The following SGCZ variants were observed in gnomAD, a reference collection of about 807,000 sequenced individuals.
SGCZ encodes zeta-sarcoglycan.
Under a neutral mutation model 41.3 loss-of-function variants are expected in SGCZ, and 40 were observed. That is an observed-to-expected ratio of 0.97 (90% CI 0.75 to 1.26). The LOEUF (loss-of-function observed/expected upper bound fraction) is 1.26. Ranked by LOEUF, SGCZ falls within the 50% of genes most tolerant of loss-of-function variation. The pLI is 0.00. For missense variants in SGCZ, 552 were observed against 369.8 expected, an observed-to-expected ratio of 1.49 and a Z score of -4.04; for synonymous variants, 206 against 137.5, an observed-to-expected ratio of 1.50 and a Z score of -3.49.
rs564904833 is a variant in SGCZ, at chr8:14,341,167, T to G, written c.235-16963A>C. 2.0e-5 allele frequency among the ~76,000 whole-genome samples: 3 copies of G among 152,356 alleles called. No individual in the cohort carries two copies. In the East Asian group the frequency reaches 5.8e-4, roughly 29 times the overall value. On this transcript the variant is annotated intron_variant, in intron 2 of 7. Transcript: ENST00000382080. ...CTGTATATACCATATTTTATGTATTTGTTTATCTGTCAATGAGCACTTGGG... is the reference window on the plus strand; with the variant it reads ...CTGTATATACCATATTTTATGTATTGGTTTATCTGTCAATGAGCACTTGGG...
intron 1 of SGCZ, among the ~76,000 whole-genome samples, chr8:14,584,063 G>A (rs973670681): frequency 6.6e-6 from 1 of 152,010 alleles, no homozygotes. Flanking sequence ...CTTTATCTCA[G>A]GGAGCTCAAC....
Position 14,090,541 on chromosome 8 carries a change from AC to A in SGCZ, c.840del (p.Tyr281MetfsTer18). On this transcript the variant is annotated frameshift_variant, in exon 8 of 8. Coordinates refer to ENST00000382080, the MANE Select transcript of SGCZ (RefSeq NM_139167.4). LOFTEE classifies it high-confidence loss of function. ...SPSSSSSRQT[V>X]YELCVCPNGK... Reference sequence around the variant, plus strand: ...CCATTGGGGCAGACGCAGAGTTCATACACTGTCTGTCGAGAACTTGAGGAGC... The same window carrying A: ...CCATTGGGGCAGACGCAGAGTTCATAACTGTCTGTCGAGAACTTGAGGAGC... 1 of 1,613,152 alleles carries A rather than the reference AC, an allele frequency of 6.2e-7. No individual in the cohort carries two copies. The highest frequency in any genetic ancestry group is 8.5e-7 in the Non-Finnish European group (1 of 1,179,454).
At chr8:14,298,542 G>A (rs1369145894) in intron 3 of SGCZ, among the ~76,000 whole-genome samples, 3 of 151,754 alleles carry the variant, frequency 2.0e-5, no homozygotes. Context: ...CTATATATTG[G>A]TAACTAAAAG....
intron 1 of SGCZ, among the ~76,000 whole-genome samples, chr8:14,670,145 T>A (rs565142199): frequency 6.6e-6 from 1 of 152,192 alleles, no homozygotes. Flanking sequence ...TGTTCCTGTA[T>A]CTTTAAGATT....
intron 1 of SGCZ, among the ~76,000 whole-genome samples, chr8:14,863,307 G>C (rs1242516615): frequency 2.0e-5 from 3 of 152,050 alleles, no homozygotes; most frequent in African/African-American, 7.2e-5. Context: ...TTTTTATTAA[G>C]ATGATTTTTA....
At chr8:14,955,524 A>G (rs925109227) in intron 1 of SGCZ, among the ~76,000 whole-genome samples, 1 of 152,220 alleles carries the variant, frequency 6.6e-6, no homozygotes, top group African/African-American at 2.4e-5. Flanking sequence ...TGCAAGAAAC[A>G]TATGACACTC....
At chr8:14,194,753 TTATA>T (rs1359161970) in intron 4 of SGCZ, among the ~76,000 whole-genome samples, 1 of 151,776 alleles carries the variant, frequency 6.6e-6, no homozygotes, top group African/African-American at 2.4e-5. Context: ...CAGAAACAAA[TTATA>T]TAAGCCATGT....
chr8:15,221,923 C>G (rs1350367648), intron 1 of SGCZ, among the ~76,000 whole-genome samples: 1 of 152,194 alleles, frequency 6.6e-6, no homozygotes, highest in African/African-American at 2.4e-5. Flanking sequence ...ATGGCCCACA[C>G]AACGTTATCT....
intron 2 of SGCZ, among the ~76,000 whole-genome samples, chr8:14,374,537 G>A (rs1804040803): frequency 6.6e-6 from 1 of 151,830 alleles, no homozygotes; most frequent in Non-Finnish European, 1.5e-5. Flanking sequence ...GATGTTAGGT[G>A]AATAAAGAGA....
At chr8:14,623,569 A>G (rs1806354615) in intron 1 of SGCZ, among the ~76,000 whole-genome samples, 1 of 152,160 alleles carries the variant, frequency 6.6e-6, no homozygotes, top group Non-Finnish European at 1.5e-5. Context: ...TTTATTCAAA[A>G]TCTATTATTA....
chr8:14,254,516 GAATA>G (rs1335998976), intron 3 of SGCZ, among the ~76,000 whole-genome samples: 2 of 152,076 alleles, frequency 1.3e-5, no homozygotes, highest in Non-Finnish European at 2.9e-5. Context: ...TGAAATGAAT[GAATA>G]GTGTTAAAAA....
At chr8:15,108,788 T>A (rs1356842219) in intron 1 of SGCZ, among the ~76,000 whole-genome samples, 1 of 152,216 alleles carries the variant, frequency 6.6e-6, no homozygotes, top group African/African-American at 2.4e-5. Flanking sequence ...TGAATACGTC[T>A]ATGCTGTGTG....
At chr8:15,168,574 C>T (rs1027598809) in intron 1 of SGCZ, among the ~76,000 whole-genome samples, 11 of 152,102 alleles carry the variant, frequency 7.2e-5, no homozygotes, top group Middle Eastern at 3.2e-3. Context: ...GGAGAGAAGA[C>T]GCTCTTCCCT....
intron 1 of SGCZ, among the ~76,000 whole-genome samples, chr8:14,956,634 A>G (rs2130844879): frequency 6.6e-6 from 1 of 152,240 alleles, no homozygotes; most frequent in Non-Finnish European, 1.5e-5. Context: ...AAGCACACAA[A>G]GTTATCTTCT....
At chr8:14,286,028 T>C (rs1366429864) in intron 3 of SGCZ, among the ~76,000 whole-genome samples, 5 of 152,148 alleles carry the variant, frequency 3.3e-5, no homozygotes, top group African/African-American at 9.6e-5. Flanking sequence ...TAATAGGAAC[T>C]ATTTATTTAG....
intron 1 of SGCZ, among the ~76,000 whole-genome samples, chr8:14,797,639 C>G (rs1038149610): frequency 6.6e-6 from 1 of 152,200 alleles, no homozygotes; most frequent in Non-Finnish European, 1.5e-5. Context: ...TGACAAGGAG[C>G]TGAATGTTAT....
intron 1 of SGCZ, among the ~76,000 whole-genome samples, chr8:15,026,097 C>G (rs1290645671): frequency 2.0e-5 from 3 of 151,460 alleles, no homozygotes; most frequent in African/African-American, 7.3e-5. Context: ...ACTTTGACTT[C>G]CATAGTATTC....
intron 1 of SGCZ, among the ~76,000 whole-genome samples, chr8:15,176,844 A>C (rs1479930104): frequency 6.6e-6 from 1 of 152,134 alleles, no homozygotes; most frequent in Non-Finnish European, 1.5e-5. Context: ...TACTAAAAAC[A>C]CACAAAATTA....
At chr8:14,776,281 G>C (rs777146498) in intron 1 of SGCZ, among the ~76,000 whole-genome samples, 1 of 152,014 alleles carries the variant, frequency 6.6e-6, no homozygotes, top group Non-Finnish European at 1.5e-5. Flanking sequence ...CATGGGGGTG[G>C]TTTCCCCATA....
Sources: gnomAD v4.1 joint callset for allele counts (sites outside exome capture counted in the v4.1 genomes callset) on GRCh38, gnomAD v4.1.1 for gene constraint, MANE v1.5 for transcripts, NCBI Gene and HGNC (gene_info 2026-07-23, HGNC 2026-07-21) for gene names.